The following EIF2AK2 variants were observed in gnomAD, a reference collection of about 807,000 sequenced individuals.
The protein encoded by EIF2AK2 is interferon-induced, double-stranded RNA-activated protein kinase.
Under a neutral mutation model 70.5 loss-of-function variants are expected in EIF2AK2, and 40 were observed. The ratio of observed to expected loss-of-function variants is 0.57; its 90% CI spans 0.44 to 0.74. The LOEUF is 0.74. Among genes scored for constraint, EIF2AK2 ranks in the 30% least tolerant of loss-of-function variants. The pLI, the probability that EIF2AK2 is intolerant of heterozygous loss-of-function variation, is 0.00. For synonymous variants in EIF2AK2, 198 were observed against 220.9 expected (o/e 0.90, Z 0.92); for missense variants, 555 against 644.3 (o/e 0.86, Z 1.50).
In EIF2AK2 at chr2:37,100,867, A is replaced by C. The variant is rs1673811190; in HGVS notation, c.*6406T>G. The stretch of plus-strand genomic sequence containing the variant: ...CGCCCCACTACTGGCTTAAATTCTA[A>C]ATTACTGAAAACCATGTAACAGGTA... On this transcript the variant is annotated 3_prime_UTR_variant, in exon 17 of 17. Coordinates refer to ENST00000233057, the MANE Select transcript of EIF2AK2 (RefSeq NM_001135651.3). 1 of 152,212 alleles carries C rather than the reference A, an allele frequency of 6.6e-6. No homozygotes were observed. Among genetic ancestry groups the C allele is most frequent in the African/African-American group, 2.4e-5 (1 of 41,446 alleles). The allele number at this position is 152,212 out of a possible 1,614,324, so 9.4% of individuals were successfully genotyped here.
chr2:37,122,221 A>G (rs1674579557), intron 12 of EIF2AK2, among the ~76,000 whole-genome samples: 1 of 152,254 alleles, frequency 6.6e-6, no homozygotes, highest in Admixed American at 6.5e-5. Flanking sequence ...CGGCACGTGA[A>G]CAAGGCTCTC....
chr2:37,122,376 T>A (rs1244385842), intron 12 of EIF2AK2, 130 bp downstream of exon 12: 2 of 1,015,168 alleles, frequency 2.0e-6, no homozygotes, highest in Non-Finnish European at 2.8e-6. Flanking sequence ...AATGGAGAGA[T>A]AACAGTGTCT....
intron 4 of EIF2AK2, among the ~76,000 whole-genome samples, chr2:37,143,742 G>A (rs912642342): frequency 1.3e-5 from 2 of 151,970 alleles, no homozygotes; most frequent in East Asian, 1.9e-4. Context: ...AAATTGGCCA[G>A]GTGTGGTGGC....
intron 13 of EIF2AK2, chr2:37,115,300 G>A (rs1041435579): frequency 1.4e-5 from 2 of 143,220 alleles, no homozygotes; most frequent in Non-Finnish European, 2.9e-5. Context: ...CTGACCTCAT[G>A]ATCCACCCAC....
At chr2:37,134,328 G>C (rs1391053446) in intron 10 of EIF2AK2, among the ~76,000 whole-genome samples, 2 of 152,130 alleles carry the variant, frequency 1.3e-5, no homozygotes, top group Non-Finnish European at 2.9e-5. Context: ...GCCTCACTTT[G>C]CTTTTCAGCC....
Position 37,122,535 on chromosome 2 carries a change from A to C in EIF2AK2, c.1038T>G (p.Tyr346Ter). The C allele has an allele frequency of 6.2e-7, 1 of 1,614,016 alleles. No individual in the cohort carries two copies. Among genetic ancestry groups the C allele is most frequent in the South Asian group, 1.1e-5 (1 of 91,012 alleles). ...TSDDSLESSD[Y>*]DPENSKNSSR... ...AACTATTTTTGCTGTTCTCAGGATC[A>C]TAATCACTGCTCTCAAGAGAATCAT... The change falls in exon 12 of 17, where the codon TAT (tyrosine) becomes TAG (stop). Residue 346 changes from tyrosine (Y) to a stop codon, truncating the protein, a stop_gained. Coordinates refer to ENST00000233057, the MANE Select transcript of EIF2AK2 (RefSeq NM_001135651.3). LOFTEE classifies it high-confidence loss of function.
At chr2:37,108,132 G>C (rs1674026243) in intron 15 of EIF2AK2, among the ~76,000 whole-genome samples, 1 of 146,680 alleles carries the variant, frequency 6.8e-6, no homozygotes, top group Non-Finnish European at 1.5e-5. Context: ...GGCAATAAAA[G>C]TGAAACTCTA....
intron 11 of EIF2AK2, 33 bp downstream of exon 11, chr2:37,126,256 C>T (rs1202482246): frequency 2.6e-6 from 4 of 1,550,572 alleles, no homozygotes; most frequent in South Asian, 1.2e-5. Flanking sequence ...GCGTACCTTG[C>T]CATTCAAAAA....
intron 5 of EIF2AK2, 146 bp from the exon 6 acceptor site, chr2:37,139,903 T>G (rs1026602546): frequency 2.3e-6 from 2 of 878,882 alleles, no homozygotes; most frequent in African/African-American, 3.5e-5. Context: ...TTGCATAATT[T>G]AAACCCTCAG....
chr2:37,122,423 A>C, intron 12 of EIF2AK2, 83 bp downstream of exon 12: 3 of 1,389,424 alleles, frequency 2.2e-6, no homozygotes, highest in Non-Finnish European at 3.0e-6. Context: ...GTGATGATTA[A>C]TAGCCTTATC....
intron 1 of EIF2AK2, among the ~76,000 whole-genome samples, chr2:37,155,181 T>A (rs1339952297): frequency 6.6e-6 from 1 of 152,154 alleles, no homozygotes; most frequent in Non-Finnish European, 1.5e-5. Flanking sequence ...TAAAATGCCC[T>A]TGACTCTATT....
chr2:37,107,671 CCT>C, intron 15 of EIF2AK2, 144 bp from the exon 16 acceptor site: 1 of 808,752 alleles, frequency 1.2e-6, no homozygotes, highest in South Asian at 1.8e-5. Flanking sequence ...AGCAGGATTC[CCT>C]CTCTCCTACA....
At chr2:37,110,025 A>C (rs1271832395) in intron 14 of EIF2AK2, among the ~76,000 whole-genome samples, 1 of 151,874 alleles carries the variant, frequency 6.6e-6, no homozygotes, top group Non-Finnish European at 1.5e-5. Flanking sequence ...AAAAATATAC[A>C]CTTAAGATCT....
intron 14 of EIF2AK2, among the ~76,000 whole-genome samples, chr2:37,109,779 T>C (rs944234328): frequency 6.6e-6 from 1 of 152,214 alleles, no homozygotes; most frequent in African/African-American, 2.4e-5. Context: ...ACAAAGTTTT[T>C]CCAGAAGATA....
intron 10 of EIF2AK2, among the ~76,000 whole-genome samples, chr2:37,134,247 T>C (rs753051413): frequency 6.6e-6 from 1 of 152,190 alleles, no homozygotes; most frequent in Non-Finnish European, 1.5e-5. Flanking sequence ...TACAACTCCC[T>C]ACAACGCCTT....
intron 14 of EIF2AK2, among the ~76,000 whole-genome samples, chr2:37,111,398 CTT>C (rs567678890): frequency 2.3e-5 from 3 of 130,864 alleles, no homozygotes; most frequent in Admixed American, 7.7e-5. Flanking sequence ...AATTTCTTTT[CTT>C]TTTTTTTTTT....
At chr2:37,141,160 G>A (rs1478682126) in intron 5 of EIF2AK2, among the ~76,000 whole-genome samples, 2 of 152,148 alleles carry the variant, frequency 1.3e-5, no homozygotes, top group South Asian at 4.1e-4. Context: ...AGAGCTCCCT[G>A]ATCTGACAAG....
rs773941192 is a variant in EIF2AK2, at chr2:37,135,455, T to C, written c.785+29A>G. The C allele has an allele frequency of 2.7e-5, 42 of 1,576,206 alleles. No individual in the cohort carries two copies. The South Asian group carries it at 4.8e-4, about 18-fold the overall frequency. Reference sequence around the variant, plus strand: ...AACATCCACCGACAGCATTACCCCTTCTTCTTTCTTCAGCACTTAAAATCT... The same window carrying C: ...AACATCCACCGACAGCATTACCCCTCCTTCTTTCTTCAGCACTTAAAATCT... On this transcript the variant is annotated intron_variant, in intron 10 of 16. Transcript: ENST00000233057.
chr2:37,114,943 T>G, intron 13 of EIF2AK2, 84 bp from the exon 14 acceptor site: 1 of 925,316 alleles, frequency 1.1e-6, no homozygotes, highest in Non-Finnish European at 1.5e-6. Context: ...AAAAGACTAT[T>G]TTTATATTAT....
Sources: allele counts gnomAD v4.1 joint callset (sites outside exome capture counted in the v4.1 genomes callset), GRCh38; gene constraint gnomAD v4.1.1; transcripts MANE v1.5; gene names NCBI Gene and HGNC (gene_info 2026-07-23, HGNC 2026-07-21).